Variants in NCALD observed in about 807,000 individuals in gnomAD.
NCALD encodes the protein neurocalcin delta.
A neutral mutation model predicts 18.6 loss-of-function variants in NCALD; 10 were observed. The observed-to-expected ratio is 0.54, with a 90% confidence interval of 0.33 to 0.91. NCALD has a LOEUF of 0.91. NCALD is among the 40% of genes least tolerant of loss of function. The pLI, the probability that NCALD is intolerant of heterozygous loss-of-function variation, is 0.03. For missense variants in NCALD, 184 were observed against 247.6 expected, an observed-to-expected ratio of 0.74 and a Z score of 1.72; for synonymous variants, 88 against 87.4, an observed-to-expected ratio of 1.01 and a Z score of -0.04.
At chr8:101,700,503 T>C (rs1815210987) in intron 2 of NCALD, among the ~76,000 whole-genome samples, 1 of 152,186 alleles carries the variant, frequency 6.6e-6, no homozygotes, top group Non-Finnish European at 1.5e-5. Flanking sequence ...TGAAAGCCCT[T>C]GCCTAGGCTA....
At chr8:101,856,322 G>A (rs535798055) in intron 4 of NCALD, among the ~76,000 whole-genome samples, 20 of 152,174 alleles carry the variant, frequency 1.3e-4, no homozygotes, top group Non-Finnish European at 2.1e-4. Context: ...ACAGGCGCAC[G>A]CCACCATGCC....
intron 1 of NCALD, among the ~76,000 whole-genome samples, chr8:102,092,637 C>G (rs187579372): frequency 1.2e-3 from 177 of 152,304 alleles, no homozygotes; most frequent in Middle Eastern, 6.8e-3. Context: ...CAGCAACAAG[C>G]CTTTTTTCAT....
chr8:101,722,120 C>T (rs558085515), intron 1 of NCALD, among the ~76,000 whole-genome samples: 2 of 152,292 alleles, frequency 1.3e-5, no homozygotes, highest in South Asian at 4.1e-4. Flanking sequence ...TGAGCCACCA[C>T]GCTTGGCCCA....
In NCALD at chr8:101,732,260, G is replaced by A. The variant is rs79691344; in HGVS notation, c.-19-12612C>T. ...GATAAAACCATAAAACAAAACAGTC[G>A]GCCCTCATGGACTGGGGAGGCAAAT... is the stretch of plus-strand genomic sequence containing the variant. On this transcript the variant is annotated intron_variant, in intron 1 of 3. Transcript: ENST00000220931. Among the ~76,000 whole-genome samples, 136 of 152,162 alleles carry A rather than the reference G, an allele frequency of 8.9e-4. 1 individual carries two copies. In the East Asian group the frequency reaches 0.022, roughly 25 times the overall value.
chr8:102,082,523 C>T (rs1310678771), intron 1 of NCALD, among the ~76,000 whole-genome samples: 1 of 152,062 alleles, frequency 6.6e-6, no homozygotes, highest in Non-Finnish European at 1.5e-5. Flanking sequence ...CATCCACAAC[C>T]GGCCACCTCC....
upstream of NCALD, among the ~76,000 whole-genome samples, chr8:101,792,030 A>T (rs1812465461): frequency 6.6e-6 from 1 of 152,208 alleles, no homozygotes; most frequent in African/African-American, 2.4e-5. Context: ...AATGAAACTC[A>T]CAAGAAGGTA....
intron 3 of NCALD, among the ~76,000 whole-genome samples, chr8:101,889,347 T>C (rs1349177940): frequency 6.6e-6 from 1 of 152,236 alleles, no homozygotes; most frequent in Non-Finnish European, 1.5e-5. Flanking sequence ...TACAGGCCAC[T>C]GCACATAATC....
chr8:101,922,215 T>C (rs892769772), intron 2 of NCALD, among the ~76,000 whole-genome samples: 1 of 150,008 alleles, frequency 6.7e-6, no homozygotes, highest in Non-Finnish European at 1.5e-5. Context: ...AAGTGCTTGG[T>C]TAAATGACAA....
At chr8:101,897,203 C>T (rs1332061370) in intron 3 of NCALD, among the ~76,000 whole-genome samples, 1 of 138,932 alleles carries the variant, frequency 7.2e-6, no homozygotes, top group African/African-American at 2.7e-5. Flanking sequence ...ATGATGAGTT[C>T]ATGTCCTTTG....
chr8:101,996,424 G>C (rs1210939527), intron 2 of NCALD, among the ~76,000 whole-genome samples: 2 of 152,250 alleles, frequency 1.3e-5, no homozygotes, highest in African/African-American at 4.8e-5. Flanking sequence ...AGGTGAAGAA[G>C]CAAGTGGACA....
At chr8:102,042,240 C>A (rs1336662923) in intron 1 of NCALD, among the ~76,000 whole-genome samples, 1 of 151,836 alleles carries the variant, frequency 6.6e-6, no homozygotes, top group East Asian at 1.9e-4. Context: ...GACCTCTCAG[C>A]CACAACAAGA....
At chr8:101,712,149 T>C (rs1815825964) in intron 2 of NCALD, among the ~76,000 whole-genome samples, 1 of 152,184 alleles carries the variant, frequency 6.6e-6, no homozygotes, top group South Asian at 2.1e-4. Flanking sequence ...CAGAATTTCA[T>C]ATCCAGCCAA....
At chr8:101,908,556 GCAT>G (rs1817687542) in intron 3 of NCALD, among the ~76,000 whole-genome samples, 1 of 152,230 alleles carries the variant, frequency 6.6e-6, no homozygotes, top group African/African-American at 2.4e-5. Context: ...CTTAGTAAAT[GCAT>G]CATATGATCA....
chr8:102,006,692 C>T (rs895700839), intron 2 of NCALD, among the ~76,000 whole-genome samples: 2 of 152,226 alleles, frequency 1.3e-5, no homozygotes, highest in African/African-American at 2.4e-5. Context: ...TCCAATGGCA[C>T]ATCTCTTACT....
chr8:102,025,695 G>A (rs548834625), intron 1 of NCALD, among the ~76,000 whole-genome samples: 60 of 152,182 alleles, frequency 3.9e-4, no homozygotes, highest in African/African-American at 1.3e-3. Flanking sequence ...CAAACTCCTC[G>A]TGGGCAAAAA....
Position 101,723,041 on chromosome 8 carries a change from T to C in NCALD, c.-19-3393A>G, listed in dbSNP as rs369548472. Among the ~76,000 whole-genome samples, 6 of 152,268 alleles carry C rather than the reference T, an allele frequency of 3.9e-5. No homozygotes were observed. In the East Asian group the frequency reaches 7.7e-4, roughly 20 times the overall value. On this transcript the variant is annotated intron_variant, in intron 1 of 3. Transcript: ENST00000220931. ...GACAGAGGGAAGCCTGACAATACCT[T>C]TTTCTTTGGGAAGACAGGAATTTCT...
At chr8:101,730,107 TTA>T (rs1816749810) in intron 1 of NCALD, among the ~76,000 whole-genome samples, 1 of 152,148 alleles carries the variant, frequency 6.6e-6, no homozygotes, top group African/African-American at 2.4e-5. Context: ...CCTTAGACAT[TTA>T]AATGCATATG....
At chr8:101,892,608 A>G (rs1339359743) in intron 3 of NCALD, among the ~76,000 whole-genome samples, 1 of 149,280 alleles carries the variant, frequency 6.7e-6, no homozygotes. Flanking sequence ...GAAGTTGAAC[A>G]CTTTGAAAAA....
chr8:101,866,342 C>A (rs541190437), intron 4 of NCALD, among the ~76,000 whole-genome samples: 1 of 152,302 alleles, frequency 6.6e-6, no homozygotes, highest in East Asian at 1.9e-4. Context: ...CTTCTTTTTT[C>A]TGTCCACACA....
Sources: allele counts gnomAD v4.1 joint callset (sites outside exome capture counted in the v4.1 genomes callset), GRCh38; gene constraint gnomAD v4.1.1; transcripts MANE v1.5; gene names NCBI Gene and HGNC (gene_info 2026-07-23, HGNC 2026-07-21).